SVIL: variants seen among roughly 807,000 people sequenced by gnomAD.
SVIL encodes supervillin, also known as archvillin.
In SVIL, 101 loss-of-function variants were observed where a neutral mutation model predicts 240.4. The ratio of observed to expected loss-of-function variants is 0.42; its 90% CI spans 0.36 to 0.50. The LOEUF (loss-of-function observed/expected upper bound fraction) is 0.50. SVIL is among the 20% of genes least tolerant of loss of function. SVIL has a pLI of 0.01. For missense variants in SVIL, 2,512 were observed against 2,818.7 expected, an observed-to-expected ratio of 0.89 and a Z score of 2.46; for synonymous variants, 999 against 1,100.0, an observed-to-expected ratio of 0.91 and a Z score of 1.82.
chr10:29,533,300 G>A lies in SVIL; in HGVS notation c.1067C>T (p.Ala356Val). The A allele has an allele frequency of 1.2e-6, 2 of 1,614,104 alleles. No individual in the cohort carries two copies. The highest frequency in any genetic ancestry group is 2.2e-5 in the South Asian group (2 of 91,078). ...GATTGGCTGTCGTGTAGAGCCTGCT[G>A]CCTTGCTGGGGACCCTATCAAAGGC... is the stretch of plus-strand genomic sequence containing the variant. ...HSAFDRVPSKAAGSTRQPIRG... is the reference protein window; with the variant it reads ...HSAFDRVPSKVAGSTRQPIRG... Residue 356 changes from alanine (A) to valine (V), a missense_variant, in exon 8 of 38, where the codon GCA (alanine) becomes GTA (valine). Coordinates refer to ENST00000355867, the MANE Select transcript of SVIL (RefSeq NM_021738.3).
At chr10:29,522,036 C>A (rs371274457) in intron 16 of SVIL, among the ~76,000 whole-genome samples, 1 of 152,100 alleles carries the variant, frequency 6.6e-6, no homozygotes, top group Non-Finnish European at 1.5e-5. Context: ...CAGTATGAAC[C>A]CTGTGTATCT....
chr10:29,734,684 G>T (rs977462910), intron 1 of SVIL, among the ~76,000 whole-genome samples: 1 of 152,138 alleles, frequency 6.6e-6, no homozygotes, highest in Non-Finnish European at 1.5e-5. Flanking sequence ...GAATTCCATC[G>T]ATTGACTGCG....
chr10:29,705,936 T>C (rs1415209324), intron 1 of SVIL, among the ~76,000 whole-genome samples: 1 of 152,244 alleles, frequency 6.6e-6, no homozygotes, highest in Non-Finnish European at 1.5e-5. Flanking sequence ...TAAATAGTGC[T>C]GCAATGAACA....
intron 17 of SVIL, among the ~76,000 whole-genome samples, chr10:29,505,454 A>G (rs1181643820): frequency 6.6e-6 from 1 of 152,208 alleles, no homozygotes; most frequent in African/African-American, 2.4e-5. Context: ...TGTGATTCCA[A>G]TTCAATGACA....
rs943481998 is a variant in SVIL at position 29,531,917 on chromosome 10, A to G, written c.2009+85T>C. 4.1e-6 allele frequency: 6 copies of G among 1,449,490 alleles called. No individual in the cohort carries two copies. The East Asian group carries it at 1.1e-4, about 28-fold the overall frequency. The allele number at this position is 1,449,490 out of a possible 1,614,324, so 89.8% of individuals were successfully genotyped here. ...TATGGAATCGCCAACATCCTATATA[A>G]ATAGCGTCAAGACCGTCAGTGTGGT... On this transcript the variant is annotated intron_variant, in intron 9 of 37. Transcript: ENST00000355867.
intron 1 of SVIL, among the ~76,000 whole-genome samples, chr10:29,572,336 AC>A (rs1380757675): frequency 2.0e-5 from 3 of 152,212 alleles, no homozygotes; most frequent in Non-Finnish European, 4.4e-5. Context: ...TCAGCGAGGA[AC>A]AACGTCAGTA....
intron 3 of SVIL, among the ~76,000 whole-genome samples, chr10:29,557,118 C>T (rs1053051623): frequency 2.6e-5 from 4 of 151,338 alleles, no homozygotes; most frequent in Non-Finnish European, 5.9e-5. Flanking sequence ...CTTTTTGAGA[C>T]AGGGTCTCAT....
At chr10:29,682,340 C>T (rs1960727302) in intron 2 of SVIL, among the ~76,000 whole-genome samples, 1 of 152,182 alleles carries the variant, frequency 6.6e-6, no homozygotes, top group Admixed American at 6.5e-5. Flanking sequence ...GACGAAGAGA[C>T]TCTTCTTGTC....
chr10:29,655,981 C>T (rs1958991278), intron 3 of SVIL, among the ~76,000 whole-genome samples: 1 of 151,210 alleles, frequency 6.6e-6, no homozygotes, highest in Non-Finnish European at 1.5e-5. Flanking sequence ...GGTGCTTCTC[C>T]TGCCTCAGCC....
At chr10:29,482,753 A>G (rs1947027219) in intron 27 of SVIL, 1 of 152,284 alleles carries the variant, frequency 6.6e-6, no homozygotes, top group Admixed American at 6.5e-5. Flanking sequence ...GGTATTTTAG[A>G]TAAAGGCAGA....
At chr10:29,644,061 C>A in intron 3 of SVIL, 1 of 512,846 alleles carries the variant, frequency 1.9e-6, no homozygotes, top group Admixed American at 2.0e-5. Context: ...CCGTTTGGGC[C>A]ACTAGATATC....
At chr10:29,617,782 A>G (rs2088084943) in intron 1 of SVIL, among the ~76,000 whole-genome samples, 2 of 152,168 alleles carry the variant, frequency 1.3e-5, no homozygotes, top group Non-Finnish European at 2.9e-5. Context: ...TAGAGATTAC[A>G]CTTTTCTCAA....
rs180770869 is a variant in SVIL at position 29,561,596 on chromosome 10, T to C, written c.-51+1605A>G. Among the ~76,000 whole-genome samples, 457 of 152,190 alleles carry C rather than the reference T, an allele frequency of 3.0e-3. 9 individuals carry two copies. Among genetic ancestry groups the C allele is most frequent in the Admixed American group, 0.028 (434 of 15,292 alleles). On this transcript the variant is annotated intron_variant, in intron 3 of 37. Transcript: ENST00000355867. ...TGGCTCAGAGGAAATTTTTTTTTTT[T>C]TTTGTCTTTCACAGAGAGTCCTAAA...
chr10:29,728,079 G>A (rs541935673), intron 1 of SVIL, among the ~76,000 whole-genome samples: 3 of 152,180 alleles, frequency 2.0e-5, no homozygotes, highest in East Asian at 1.9e-4. Flanking sequence ...CATCCCTAGC[G>A]AGGCTTTTGA....
chr10:29,626,972 C>T (rs1957898989), intron 1 of SVIL, among the ~76,000 whole-genome samples: 2 of 151,788 alleles, frequency 1.3e-5, no homozygotes, highest in African/African-American at 4.8e-5. Flanking sequence ...TGCAGTGAGC[C>T]GAGATTGCGC....
At chr10:29,689,538 C>T (rs962153813) in intron 1 of SVIL, among the ~76,000 whole-genome samples, 5 of 152,220 alleles carry the variant, frequency 3.3e-5, no homozygotes, top group Non-Finnish European at 7.3e-5. Flanking sequence ...CCCATCTCGG[C>T]CTCCCAAAGT....
chr10:29,571,654 C>CTT (rs1208472589), intron 1 of SVIL, among the ~76,000 whole-genome samples: 1 of 152,196 alleles, frequency 6.6e-6, no homozygotes, highest in Non-Finnish European at 1.5e-5. Flanking sequence ...TTAAGTTAAG[C>CTT]TTTGCCTATT....
intron 1 of SVIL, among the ~76,000 whole-genome samples, chr10:29,714,754 G>A (rs931367109): frequency 1.3e-5 from 2 of 151,956 alleles, no homozygotes; most frequent in Non-Finnish European, 2.9e-5. Context: ...GAGCTCAGGA[G>A]TTCAAGACCA....
intron 1 of SVIL, among the ~76,000 whole-genome samples, chr10:29,724,030 T>C (rs538062068): frequency 6.6e-6 from 1 of 152,270 alleles, no homozygotes; most frequent in South Asian, 2.1e-4. Flanking sequence ...GCAAGGGAAG[T>C]ATGAACGGGT....
Sources: allele counts gnomAD v4.1 joint callset (sites outside exome capture counted in the v4.1 genomes callset), GRCh38; gene constraint gnomAD v4.1.1; transcripts MANE v1.5; gene names NCBI Gene and HGNC (gene_info 2026-07-23, HGNC 2026-07-21).